Variants in SPEF2 observed in about 807,000 individuals in gnomAD.
SPEF2 encodes the protein sperm flagella and cilia-associated protein 2.
A neutral mutation model predicts 224.6 loss-of-function variants in SPEF2; 187 were observed. The ratio of observed to expected loss-of-function variants is 0.83; its 90% CI spans 0.74 to 0.94. The LOEUF (loss-of-function observed/expected upper bound fraction) is 0.94, where lower values mean the gene tolerates loss of function less well. Ranked by LOEUF, SPEF2 falls within the 40% of genes least tolerant of loss-of-function variation. The pLI, the probability that SPEF2 is intolerant of heterozygous loss-of-function variation, is 0.00. For missense variants in SPEF2, 2,170 were observed against 2,135.6 expected, an observed-to-expected ratio of 1.02 and a Z score of -0.32; for synonymous variants, 715 against 707.3, an observed-to-expected ratio of 1.01 and a Z score of -0.17.
intron 13 of SPEF2, among the ~76,000 whole-genome samples, chr5:35,694,676 C>T (rs533113978): frequency 6.6e-6 from 1 of 152,284 alleles, no homozygotes; most frequent in Non-Finnish European, 1.5e-5. Context: ...ACAGTCTTTT[C>T]TTGTTCTCAC....
chr5:35,727,172 T>A (rs4131256), intron 20 of SPEF2, among the ~76,000 whole-genome samples: 140,625 of 152,124 alleles, frequency 0.92, 65,091 homozygotes, highest in South Asian at 0.99. Context: ...TTCAGGGGCT[T>A]CAACAGCCCC....
At chr5:35,633,474 C>T (rs1410825242) in intron 2 of SPEF2, among the ~76,000 whole-genome samples, 5 of 151,844 alleles carry the variant, frequency 3.3e-5, no homozygotes, top group African/African-American at 1.2e-4. Flanking sequence ...TTATTATTTG[C>T]TTGATATATG....
chr5:35,807,902 AC>A, intron 36 of SPEF2: 1 of 1,446,198 alleles, frequency 6.9e-7, no homozygotes, highest in Non-Finnish European at 9.1e-7. Flanking sequence ...GCTGACACCA[AC>A]CCCCTTTCAT....
chr5:35,788,592 A>C, intron 30 of SPEF2: 3 of 702,958 alleles, frequency 4.3e-6, no homozygotes, highest in Non-Finnish European at 5.2e-6. Flanking sequence ...GCAATAAAAA[A>C]TGCCATTGAG....
At chr5:35,684,775 G>T (rs183296977) in intron 10 of SPEF2, among the ~76,000 whole-genome samples, 33 of 152,308 alleles carry the variant, frequency 2.2e-4, no homozygotes, top group African/African-American at 7.5e-4. Context: ...TCTGATTTAA[G>T]CCTAAGACTG....
intron 7 of SPEF2, among the ~76,000 whole-genome samples, chr5:35,658,176 G>A (rs1029189197): frequency 3.3e-5 from 5 of 152,154 alleles, no homozygotes; most frequent in Non-Finnish European, 7.4e-5. Flanking sequence ...ATAGGCCCGA[G>A]AAACTGAGTT....
chr5:35,711,443 C>T (rs1741111120), intron 19 of SPEF2, among the ~76,000 whole-genome samples: 2 of 151,964 alleles, frequency 1.3e-5, no homozygotes, highest in Admixed American at 1.3e-4. Context: ...TGAAAAACTC[C>T]ATAGTTATGT....
chr5:35,782,110 G>A (rs752043618), intron 30 of SPEF2, among the ~76,000 whole-genome samples: 1 of 152,082 alleles, frequency 6.6e-6, no homozygotes, highest in Non-Finnish European at 1.5e-5. Flanking sequence ...TAAGAAACAT[G>A]ACACACACCC....
rs532226205 is a variant in SPEF2, at chr5:35,753,916, G to A, written c.3468+155G>A. Among the ~76,000 whole-genome samples the A allele has an allele frequency of 3.9e-5, 6 of 152,200 alleles. No individual in the cohort carries two copies. In the East Asian group the frequency reaches 9.7e-4, roughly 25 times the overall value. On this transcript the variant is annotated intron_variant, in intron 24 of 36. Transcript: ENST00000356031. ...GTATGAGCTCCAACTCACCAAAAAA[G>A]CTAGCCGAAATAATACATTTTGACC...
chr5:35,658,943 T>A, intron 7 of SPEF2, 76 bp from the exon 8 acceptor site: 1 of 1,165,794 alleles, frequency 8.6e-7, no homozygotes, highest in Non-Finnish European at 1.2e-6. Context: ...TTTTGTATAT[T>A]GTTTCTGTAT....
chr5:35,808,001 G>A (rs2149877230), intron 36 of SPEF2: 4 of 1,244,702 alleles, frequency 3.2e-6, no homozygotes, highest in Non-Finnish European at 4.0e-6. Context: ...ACTACAAAGT[G>A]TTTGCTGAGT....
chr5:35,770,418 G>A (rs752011210), intron 26 of SPEF2, among the ~76,000 whole-genome samples: 1 of 151,864 alleles, frequency 6.6e-6, no homozygotes, highest in Non-Finnish European at 1.5e-5. Flanking sequence ...ATTAACTATA[G>A]TCACGGTGCT....
intron 21 of SPEF2, among the ~76,000 whole-genome samples, chr5:35,738,547 C>T (rs933751957): frequency 1.1e-4 from 16 of 148,340 alleles, no homozygotes; most frequent in African/African-American, 1.7e-4. Context: ...AAGCTTTCAA[C>T]AGAAATTGTT....
At chr5:35,725,410 C>T (rs1014989568) in intron 20 of SPEF2, among the ~76,000 whole-genome samples, 1 of 152,070 alleles carries the variant, frequency 6.6e-6, no homozygotes, top group Non-Finnish European at 1.5e-5. Context: ...AAAAATAATG[C>T]CTTTCTTAAA....
chr5:35,641,303 G>A, intron 2 of SPEF2, 128 bp from the exon 3 acceptor site: 1 of 1,096,594 alleles, frequency 9.1e-7, no homozygotes, highest in Non-Finnish European at 1.3e-6. Flanking sequence ...TGGTTTTAGA[G>A]AGGAATGATA....
At chr5:35,780,909 T>C (rs1253593225) in intron 30 of SPEF2, among the ~76,000 whole-genome samples, 1 of 152,160 alleles carries the variant, frequency 6.6e-6, no homozygotes, top group Non-Finnish European at 1.5e-5. Flanking sequence ...GTATCCATGA[T>C]GCTAATCATA....
chr5:35,668,584 A>T (rs1750832984), intron 9 of SPEF2, among the ~76,000 whole-genome samples: 1 of 152,060 alleles, frequency 6.6e-6, no homozygotes, highest in African/African-American at 2.4e-5. Flanking sequence ...CTGTATCTTG[A>T]CTGTATCAAT....
At chr5:35,685,160 A>G (rs1580266675) in intron 10 of SPEF2, among the ~76,000 whole-genome samples, 1 of 152,318 alleles carries the variant, frequency 6.6e-6, no homozygotes. Context: ...AATACAGGGT[A>G]GTATGTATAG....
chr5:35,655,325 A>G (rs1748822787), intron 7 of SPEF2, among the ~76,000 whole-genome samples: 2 of 152,198 alleles, frequency 1.3e-5, no homozygotes. Context: ...AGAATCACTG[A>G]TCATTTCTTA....
Sources: allele counts gnomAD v4.1 joint callset (sites outside exome capture counted in the v4.1 genomes callset), GRCh38; gene constraint gnomAD v4.1.1; transcripts MANE v1.5; gene names NCBI Gene and HGNC (gene_info 2026-07-23, HGNC 2026-07-21).